Variants in CLSTN2 observed in about 807,000 individuals in gnomAD.
CLSTN2 encodes the protein calsyntenin-2.
In CLSTN2, 48 loss-of-function variants were observed where a neutral mutation model predicts 101.2. That is an observed-to-expected ratio of 0.47 (90% CI 0.38 to 0.60). CLSTN2 has a LOEUF of 0.60. Among genes scored for constraint, CLSTN2 ranks in the 20% least tolerant of loss-of-function variants. The probability of loss-of-function intolerance (pLI) is 0.00; values close to 1 mark genes in which losing one functional copy is unlikely to be tolerated. For missense variants in CLSTN2, 1,160 were observed against 1,238.2 expected (o/e 0.94, Z 0.95); for synonymous variants, 481 against 463.6 (o/e 1.04, Z -0.48).
At chr3:140,117,267 T>C (rs952260784) in intron 1 of CLSTN2, among the ~76,000 whole-genome samples, 3 of 152,138 alleles carry the variant, frequency 2.0e-5, no homozygotes, top group Non-Finnish European at 4.4e-5. Flanking sequence ...CAAGAATGTG[T>C]CCTACACAGC....
chr3:140,298,270 A>G (rs1465767385), intron 2 of CLSTN2, among the ~76,000 whole-genome samples: 3 of 152,214 alleles, frequency 2.0e-5, no homozygotes, highest in African/African-American at 7.2e-5. Context: ...AAATGGGCCT[A>G]ATATAGTTTA....
intron 2 of CLSTN2, among the ~76,000 whole-genome samples, chr3:140,263,854 A>G (rs2086673240): frequency 6.6e-6 from 1 of 152,194 alleles, no homozygotes; most frequent in Non-Finnish European, 1.5e-5. Flanking sequence ...ATAGTCTGAA[A>G]ACAACTGGAG....
intron 2 of CLSTN2, among the ~76,000 whole-genome samples, chr3:140,343,017 G>C (rs569924509): frequency 1.3e-5 from 2 of 152,300 alleles, no homozygotes; most frequent in South Asian, 2.1e-4. Context: ...CCTCCCAGAC[G>C]GGAGGAGTAG....
chr3:140,179,792 A>G (rs991466104), intron 2 of CLSTN2, among the ~76,000 whole-genome samples: 1 of 152,094 alleles, frequency 6.6e-6, no homozygotes, highest in East Asian at 1.9e-4. Flanking sequence ...AGAGTTTACC[A>G]TTCTCTGACT....
chr3:140,325,639 G>A (rs1400744289), intron 2 of CLSTN2, among the ~76,000 whole-genome samples: 1 of 152,166 alleles, frequency 6.6e-6, no homozygotes, highest in Non-Finnish European at 1.5e-5. Context: ...GTTTATACTG[G>A]TCCAAGCAAG....
At chr3:140,092,128 A>G (rs1466263112) in intron 1 of CLSTN2, among the ~76,000 whole-genome samples, 1 of 152,188 alleles carries the variant, frequency 6.6e-6, no homozygotes, top group African/African-American at 2.4e-5. Flanking sequence ...TGATGAGACT[A>G]TGAGGCTCCT....
At chr3:140,062,359 TTA>T in intron 1 of CLSTN2, among the ~76,000 whole-genome samples, 1 of 152,318 alleles carries the variant, frequency 6.6e-6, no homozygotes, top group South Asian at 2.1e-4. Context: ...TCATGAGATA[TTA>T]TATTGAAGTA....
chr3:140,361,535 G>A (rs912722834), intron 2 of CLSTN2, among the ~76,000 whole-genome samples: 2 of 152,100 alleles, frequency 1.3e-5, no homozygotes, highest in African/African-American at 2.4e-5. Flanking sequence ...AAAGGAAGAA[G>A]TAAAACTATC....
At chr3:140,043,127 T>C (rs1288991912) in intron 1 of CLSTN2, among the ~76,000 whole-genome samples, 1 of 152,218 alleles carries the variant, frequency 6.6e-6, no homozygotes, top group Admixed American at 6.5e-5. Flanking sequence ...TGAACTAGTT[T>C]ACAGTCCCAC....
At position 140,240,253 on chromosome 3, in the gene CLSTN2, T is replaced by TACATATATAC. The variant is rs1389655167; in HGVS notation, c.232+64202_232+64211dup. Among the ~76,000 whole-genome samples the TACATATATAC allele has an allele frequency of 2.6e-4, 29 of 111,552 alleles. 1 individual carries two copies. Among genetic ancestry groups the TACATATATAC allele is most frequent in the South Asian group, 8.8e-4 (3 of 3,412 alleles). 73.2% of individuals were successfully genotyped at this position (111,552 alleles called of 152,430 possible). On this transcript the variant is annotated intron_variant, in intron 2 of 16. Coordinates refer to ENST00000458420, the MANE Select transcript of CLSTN2 (RefSeq NM_022131.3). Reference sequence around the variant, plus strand: ...ATATATGCATATATACACATATATATACATATATACACATATATACACATA... The same window carrying TACATATATAC: ...ATATATGCATATATACACATATATATACATATATACACATATATACACATATATACACATA...
chr3:140,167,159 C>A (rs2010147652), intron 1 of CLSTN2, among the ~76,000 whole-genome samples: 1 of 152,182 alleles, frequency 6.6e-6, no homozygotes, highest in African/African-American at 2.4e-5. Context: ...TCTGTACATG[C>A]CAAAAAGCAC....
At chr3:140,456,195 G>A (rs1364592053) in intron 6 of CLSTN2, among the ~76,000 whole-genome samples, 1 of 152,164 alleles carries the variant, frequency 6.6e-6, no homozygotes, top group Non-Finnish European at 1.5e-5. Flanking sequence ...CTGGGCCTCA[G>A]TTTCTATGTT....
chr3:140,386,141 T>C (rs2088048889), intron 2 of CLSTN2, among the ~76,000 whole-genome samples: 1 of 152,218 alleles, frequency 6.6e-6, no homozygotes, highest in Non-Finnish European at 1.5e-5. Flanking sequence ...CCTTCTTGAC[T>C]TTAAACTTCA....
chr3:140,358,528 A>G (rs975196929), intron 2 of CLSTN2, among the ~76,000 whole-genome samples: 1 of 152,182 alleles, frequency 6.6e-6, no homozygotes, highest in Non-Finnish European at 1.5e-5. Flanking sequence ...GGTATCAGAA[A>G]TGCCTTTCAG....
intron 1 of CLSTN2, among the ~76,000 whole-genome samples, chr3:140,171,653 AT>A (rs2010217387): frequency 8.7e-5 from 2 of 22,996 alleles, no homozygotes; most frequent in African/African-American, 2.4e-4. Context: ...TATAATACGT[AT>A]TATATATTAT....
chr3:140,439,061 C>T (rs2088716863), intron 5 of CLSTN2, among the ~76,000 whole-genome samples: 1 of 152,210 alleles, frequency 6.6e-6, no homozygotes, highest in African/African-American at 2.4e-5. Flanking sequence ...TGCCCAACAC[C>T]AGCAAGATCA....
At chr3:140,007,764 C>G (rs993198746) in intron 1 of CLSTN2, among the ~76,000 whole-genome samples, 5 of 152,144 alleles carry the variant, frequency 3.3e-5, no homozygotes, top group African/African-American at 1.2e-4. Context: ...CTTGTGTGTG[C>G]ATACTGAGAC....
intron 1 of CLSTN2, among the ~76,000 whole-genome samples, chr3:139,984,294 G>A (rs1353494560): frequency 2.0e-5 from 3 of 152,174 alleles, no homozygotes; most frequent in Non-Finnish European, 2.9e-5. Context: ...CAGGTGGTCA[G>A]TATCCCTCAT....
At chr3:140,500,066 C>CA (rs147385527) in intron 8 of CLSTN2, among the ~76,000 whole-genome samples, 2,963 of 128,128 alleles carry the variant, frequency 0.023, 84 homozygotes, top group African/African-American at 0.077. Flanking sequence ...GACTCCGTCT[C>CA]AAAAAAAAAA....
Sources: allele counts gnomAD v4.1 joint callset (sites outside exome capture counted in the v4.1 genomes callset), GRCh38; gene constraint gnomAD v4.1.1; transcripts MANE v1.5; gene names NCBI Gene and HGNC (gene_info 2026-07-23, HGNC 2026-07-21).